Variants in RELCH observed in about 807,000 individuals in gnomAD.
RELCH encodes RAB11 binding and LisH domain, coiled-coil and HEAT repeat containing.
RELCH carries 41 observed loss-of-function variants against 150.3 expected under a neutral mutation model. The observed-to-expected ratio is 0.27, with a 90% CI of 0.21 to 0.35. RELCH has a LOEUF of 0.35. RELCH is among the 10% of genes least tolerant of loss of function. The probability of loss-of-function intolerance (pLI) is 1.00; values close to 1 mark genes in which losing one functional copy is unlikely to be tolerated. For missense variants in RELCH, 1,092 were observed against 1,467.8 expected (o/e 0.74, Z 4.18); for synonymous variants, 478 against 531.8 (o/e 0.90, Z 1.39).
In RELCH at chr18:62,187,981, G is replaced by T; in HGVS notation, c.476G>T (p.Gly159Val). 1 of 1,600,422 alleles carries T rather than the reference G, an allele frequency of 6.2e-7. No homozygotes were observed. The part of the protein sequence containing the change: ...APGVPGAAGV[G>V]GAGGREPSTA... ...GGGGTCCCTGGAGCAGCCGGCGTTG[G>T]GGGCGCTGGAGGTCGGGAACCGAGT... is the stretch of plus-strand genomic sequence containing the variant. Residue 159 changes from glycine to valine, a missense_variant, in exon 1 of 29, where the codon GGG (glycine) becomes GTG (valine). By Grantham distance (109) the Gly-to-Val change is moderately radical. Transcript: ENST00000644646.
chr18:62,214,851 A>G (rs1184108039), intron 2 of RELCH, among the ~76,000 whole-genome samples: 1 of 152,022 alleles, frequency 6.6e-6, no homozygotes, highest in Non-Finnish European at 1.5e-5. Context: ...CAGTAAAACC[A>G]TGGAGGGCAC....
At chr18:62,261,761 C>A (rs1030484997) in intron 16 of RELCH, 103 bp downstream of exon 16, 4 of 978,678 alleles carry the variant, frequency 4.1e-6, no homozygotes, top group Non-Finnish European at 4.4e-6. Context: ...TATATGACAG[C>A]ATAATTTTTA....
chr18:62,251,265 G>A (rs1290809573), intron 11 of RELCH, among the ~76,000 whole-genome samples: 1 of 152,162 alleles, frequency 6.6e-6, no homozygotes, highest in African/African-American at 2.4e-5. Context: ...GTCCGTTGGG[G>A]CTATAGTCAT....
intron 11 of RELCH, among the ~76,000 whole-genome samples, chr18:62,248,750 G>A (rs547715332): frequency 2.0e-5 from 3 of 152,264 alleles, no homozygotes; most frequent in African/African-American, 7.2e-5. Flanking sequence ...ATTGCTGTGT[G>A]GCTAAAGAGA....
intron 16 of RELCH, among the ~76,000 whole-genome samples, chr18:62,262,916 C>T (rs2043348930): frequency 6.6e-6 from 1 of 151,928 alleles, no homozygotes; most frequent in Non-Finnish European, 1.5e-5. Context: ...GAGGTAAAGG[C>T]TGTTCTGGGC....
chr18:62,217,187 T>C (rs1463479541), intron 2 of RELCH, among the ~76,000 whole-genome samples: 3 of 151,932 alleles, frequency 2.0e-5, no homozygotes, highest in African/African-American at 7.2e-5. Context: ...TAGATTAACA[T>C]TGCTAAAAGT....
At chr18:62,199,154 T>G (rs924377837) in intron 1 of RELCH, among the ~76,000 whole-genome samples, 1 of 151,938 alleles carries the variant, frequency 6.6e-6, no homozygotes, top group Non-Finnish European at 1.5e-5. Flanking sequence ...CCATATTTCT[T>G]CTAAATCCTG....
chr18:62,196,386 C>A (rs766815890), intron 1 of RELCH, among the ~76,000 whole-genome samples: 3 of 152,186 alleles, frequency 2.0e-5, no homozygotes, highest in Non-Finnish European at 4.4e-5. Flanking sequence ...CGCACCACCA[C>A]ACCTGGCTAA....
chr18:62,237,755 G>A (rs2041951202), intron 10 of RELCH, among the ~76,000 whole-genome samples: 1 of 151,518 alleles, frequency 6.6e-6, no homozygotes, highest in Admixed American at 6.6e-5. Flanking sequence ...CCTTAAGTAA[G>A]CAATTAAAAA....
At chr18:62,254,539 G>C (rs552644314) in intron 12 of RELCH, among the ~76,000 whole-genome samples, 1 of 152,216 alleles carries the variant, frequency 6.6e-6, no homozygotes, top group Non-Finnish European at 1.5e-5. Context: ...ACTACATCTG[G>C]ATTAAATTTA....
intron 1 of RELCH, among the ~76,000 whole-genome samples, chr18:62,196,220 T>TATTTC (rs577396061): frequency 6.6e-6 from 1 of 151,076 alleles, no homozygotes; most frequent in Non-Finnish European, 1.5e-5. Context: ...ACCAGCGCAA[T>TATTTC]TTTTCTTTTC....
At chr18:62,267,189 C>CTTGTAGT (rs1017154678) in intron 19 of RELCH, among the ~76,000 whole-genome samples, 3 of 151,806 alleles carry the variant, frequency 2.0e-5, no homozygotes, top group Non-Finnish European at 4.4e-5. Flanking sequence ...AAACTACAGA[C>CTTGTAGT]TTGAATGGGT....
chr18:62,242,425 A>G (rs1230412653), intron 10 of RELCH, among the ~76,000 whole-genome samples: 2 of 152,218 alleles, frequency 1.3e-5, no homozygotes, highest in Non-Finnish European at 2.9e-5. Context: ...TTTTTAGGCC[A>G]TCTTTGCTTT....
In RELCH at chr18:62,187,285, G is replaced by T. The variant is rs111625064; in HGVS notation, c.-221G>T. 0.066 allele frequency: 24,647 copies of T among 371,970 alleles called. 991 individuals are homozygous for T. Among genetic ancestry groups the T allele is most frequent in the Middle Eastern group, 0.15 (216 of 1,406 alleles). The allele number at this position is 371,970 out of a possible 1,614,324, so 23.0% of individuals were successfully genotyped here. On this transcript the variant is annotated 5_prime_UTR_variant, in exon 1 of 29. Coordinates refer to ENST00000644646, the MANE Select transcript of RELCH (RefSeq NM_001346231.2). ...TCGCGAGACTGGAGACCAGGAAGAC[G>T]CCTGCAGAGCCGGGCTGCTGGTGCA... is the stretch of plus-strand genomic sequence containing the variant.
chr18:62,224,997 A>G (rs2041119404), intron 5 of RELCH, among the ~76,000 whole-genome samples: 1 of 152,126 alleles, frequency 6.6e-6, no homozygotes, highest in Non-Finnish European at 1.5e-5. Flanking sequence ...ATTATTTGTC[A>G]TATTTGTATA....
At chr18:62,242,100 G>T (rs772654135) in intron 10 of RELCH, among the ~76,000 whole-genome samples, 2 of 152,052 alleles carry the variant, frequency 1.3e-5, no homozygotes, top group African/African-American at 2.4e-5. Context: ...AGAGGAAGAA[G>T]CCATCCGGCA....
rs199618714 is a variant in RELCH at position 62,231,293 on chromosome 18, C to T, written c.1524+24C>T. ...AGGTAAATTATACCACCTATTTCCA[C>T]AACTTTTTAAAAACATTCTACTGTT... On this transcript the variant is annotated intron_variant, in intron 9 of 28. Transcript: ENST00000644646. 2.5e-4 allele frequency: 364 copies of T among 1,450,474 alleles called. 1 individual carries two copies. Among genetic ancestry groups the T allele is most frequent in the Middle Eastern group, 1.6e-3 (9 of 5,700 alleles). The allele number at this position is 1,450,474 out of a possible 1,614,324, so 89.9% of individuals were successfully genotyped here. A position where few individuals can be genotyped will look rare whatever the true frequency, so the allele number is the denominator to read the frequency against.
intron 11 of RELCH, among the ~76,000 whole-genome samples, chr18:62,251,364 G>T (rs186879686): frequency 1.3e-5 from 2 of 152,290 alleles, no homozygotes; most frequent in Non-Finnish European, 2.9e-5. Context: ...GTTCCTCAAG[G>T]ATTCTTAGTC....
At chr18:62,199,087 G>A (rs1432738146) in intron 1 of RELCH, among the ~76,000 whole-genome samples, 1 of 149,498 alleles carries the variant, frequency 6.7e-6, no homozygotes, top group Non-Finnish European at 1.5e-5. Flanking sequence ...CTATTTTCTT[G>A]CCTGGTATCC....
Sources: allele counts gnomAD v4.1 joint callset (sites outside exome capture counted in the v4.1 genomes callset), GRCh38; gene constraint gnomAD v4.1.1; transcripts MANE v1.5; gene names NCBI Gene and HGNC (gene_info 2026-07-23, HGNC 2026-07-21).